The following RCAN2 variants were observed in gnomAD, a reference collection of about 807,000 sequenced individuals.
RCAN2 encodes calcipressin-2.
Under a neutral mutation model 23.6 loss-of-function variants are expected in RCAN2, and 9 were observed. That is an observed-to-expected ratio of 0.38 (90% CI 0.23 to 0.67). RCAN2 has a LOEUF of 0.67. Ranked by LOEUF, RCAN2 falls within the 30% of genes least tolerant of loss-of-function variation. RCAN2 has a pLI of 0.51. For missense variants in RCAN2, 273 were observed against 302.3 expected, an observed-to-expected ratio of 0.90 and a Z score of 0.72; for synonymous variants, 109 against 115.7, an observed-to-expected ratio of 0.94 and a Z score of 0.37.
At chr6:46,463,960 A>T (rs1462915534) in intron 1 of RCAN2, among the ~76,000 whole-genome samples, 1 of 152,212 alleles carries the variant, frequency 6.6e-6, no homozygotes, top group Non-Finnish European at 1.5e-5. Flanking sequence ...ATATGCCTTG[A>T]TTCCATGTTA....
rs1766603584 is a variant in RCAN2, at chr6:46,248,649, G to C, written c.399+74C>G. 3 of 1,187,374 alleles carry C rather than the reference G, an allele frequency of 2.5e-6. No homozygotes were observed. In the African/African-American group the frequency reaches 4.7e-5, roughly 18 times the overall value. 73.6% of individuals were successfully genotyped at this position (1,187,374 alleles called of 1,614,324 possible). On this transcript the variant is annotated intron_variant, in intron 3 of 4. Transcript: ENST00000371374. ...ACCAACCAATCTGAAAATAGAAAGGGCTTCATTTACATTTTAAAATGGTAA... is the reference window on the plus strand; with the variant it reads ...ACCAACCAATCTGAAAATAGAAAGGCCTTCATTTACATTTTAAAATGGTAA...
At chr6:46,414,573 G>C (rs908847005) in intron 2 of RCAN2, among the ~76,000 whole-genome samples, 8 of 152,174 alleles carry the variant, frequency 5.3e-5, no homozygotes, top group African/African-American at 1.9e-4. Flanking sequence ...TAGACTTTGA[G>C]TGAAGCATAT....
At chr6:46,289,191 T>A (rs1489533939) in intron 2 of RCAN2, among the ~76,000 whole-genome samples, 1 of 152,322 alleles carries the variant, frequency 6.6e-6, no homozygotes, top group Admixed American at 6.5e-5. Flanking sequence ...CTCTCCTACA[T>A]GGACCTTCAT....
intron 4 of RCAN2, among the ~76,000 whole-genome samples, chr6:46,242,153 A>T (rs1463239869): frequency 6.6e-6 from 1 of 152,184 alleles, no homozygotes; most frequent in African/African-American, 2.4e-5. Context: ...AGGCACCCAC[A>T]GGTTTGGGTC....
At chr6:46,454,561 G>A (rs1767967722) in intron 2 of RCAN2, among the ~76,000 whole-genome samples, 1 of 152,090 alleles carries the variant, frequency 6.6e-6, no homozygotes, top group African/African-American at 2.4e-5. Flanking sequence ...ATCTTGCTGA[G>A]GTAGGACACT....
chr6:46,282,194 T>C (rs939910366), intron 2 of RCAN2, among the ~76,000 whole-genome samples: 2 of 152,152 alleles, frequency 1.3e-5, no homozygotes, highest in African/African-American at 4.8e-5. Flanking sequence ...ACCACTCAAA[T>C]ATCCAACATA....
chr6:46,251,867 T>A lies in RCAN2; in HGVS notation c.226-2971A>T, dbSNP rs138589776. ...CCGTTGACGTGAAACTCTTTGATAT[T>A]CCTTGTTTTGGGCTTAGGCTGAAAA... On this transcript the variant is annotated intron_variant, in intron 2 of 4. Transcript: ENST00000371374. 2.0e-5 allele frequency among the ~76,000 whole-genome samples: 3 copies of A among 152,278 alleles called. No individual in the cohort carries two copies. The East Asian group carries it at 5.8e-4, about 29-fold the overall frequency.
At chr6:46,263,739 A>T (rs1302984089) in intron 2 of RCAN2, among the ~76,000 whole-genome samples, 1 of 151,708 alleles carries the variant, frequency 6.6e-6, no homozygotes, top group Non-Finnish European at 1.5e-5. Flanking sequence ...TTCTAAAAAA[A>T]AAAAAAGGTA....
At chr6:46,433,343 G>C (rs1208047140) in intron 2 of RCAN2, among the ~76,000 whole-genome samples, 1 of 152,072 alleles carries the variant, frequency 6.6e-6, no homozygotes, top group Non-Finnish European at 1.5e-5. Flanking sequence ...ACTCCTACCC[G>C]AGTCCCACCA....
At chr6:46,452,581 A>T (rs1767912111) in intron 2 of RCAN2, among the ~76,000 whole-genome samples, 1 of 152,114 alleles carries the variant, frequency 6.6e-6, no homozygotes, top group Non-Finnish European at 1.5e-5. Flanking sequence ...GAAATCACAC[A>T]AGTCATTTCT....
intron 2 of RCAN2, among the ~76,000 whole-genome samples, chr6:46,268,675 A>G (rs1767423650): frequency 6.6e-6 from 1 of 152,220 alleles, no homozygotes; most frequent in African/African-American, 2.4e-5. Flanking sequence ...CAGGTTAAGA[A>G]TCACTTCAAT....
At chr6:46,410,369 G>A (rs1394304269) in intron 2 of RCAN2, among the ~76,000 whole-genome samples, 3 of 152,178 alleles carry the variant, frequency 2.0e-5, no homozygotes, top group East Asian at 1.9e-4. Context: ...TACTGGTTCC[G>A]ACTTTCTGGA....
intron 2 of RCAN2, chr6:46,325,252 C>T: frequency 1.3e-6 from 1 of 787,292 alleles, no homozygotes; most frequent in South Asian, 1.9e-5. Context: ...CTTAATGCAG[C>T]CATGCACTCA....
At chr6:46,386,610 C>CAAAAAAAAAAAAAAAA (rs142110760) in intron 2 of RCAN2, among the ~76,000 whole-genome samples, 1 of 91,704 alleles carries the variant, frequency 1.1e-5, no homozygotes. Context: ...CTCTGTCTCA[C>CAAAAAAAAAAAAAAAA]AAAAAAAAAA....
chr6:46,247,034 G>T (rs1481091985), intron 3 of RCAN2, 115 bp from the exon 4 acceptor site: 4 of 811,758 alleles, frequency 4.9e-6, no homozygotes, highest in Non-Finnish European at 7.6e-6. Context: ...CGATGAACCC[G>T]ACCGTAATAA....
chr6:46,456,778 A>C lies in RCAN2; in HGVS notation c.199T>G (p.Ser67Ala). Reference protein sequence around the residue: ...NSLFACNVHQSVFEGEESKEK... With the variant: ...NSLFACNVHQAVFEGEESKEK... ...TTGCTCTCTTCTCCTTCAAACACTG[A>C]CTGGTGAACATTGCACGCAAACAAC... Residue 67 changes from serine (S) to alanine (A), a missense_variant, in exon 2 of 5, where the codon TCA becomes GCA. Coordinates refer to ENST00000371374, the MANE Select transcript of RCAN2 (RefSeq NM_001251974.2). The C allele has an allele frequency of 6.4e-7, 1 of 1,550,914 alleles. No homozygotes were observed. Among genetic ancestry groups the C allele is most frequent in the Non-Finnish European group, 8.7e-7 (1 of 1,147,010 alleles).
intron 2 of RCAN2, among the ~76,000 whole-genome samples, chr6:46,354,897 ATGTGTGTGTGTGTGTGTG>A (rs6149559): frequency 1.4e-3 from 207 of 144,488 alleles, no homozygotes; most frequent in South Asian, 2.8e-3. Context: ...AAGATTATAT[ATGTGTGTGTGTGTGTGTG>A]TGTGTGTGTG....
chr6:46,244,195 A>G (rs1766428536), intron 4 of RCAN2, among the ~76,000 whole-genome samples: 1 of 152,246 alleles, frequency 6.6e-6, no homozygotes, highest in Non-Finnish European at 1.5e-5. Context: ...CTGTAACATT[A>G]AGGTAAAAGG....
At chr6:46,368,921 C>T (rs1451559516) in intron 2 of RCAN2, among the ~76,000 whole-genome samples, 2 of 152,142 alleles carry the variant, frequency 1.3e-5, no homozygotes, top group Non-Finnish European at 2.9e-5. Flanking sequence ...CTTACTGTAA[C>T]TTTTTAATGT....
Sources: gnomAD v4.1 joint callset for allele counts (sites outside exome capture counted in the v4.1 genomes callset) on GRCh38, gnomAD v4.1.1 for gene constraint, MANE v1.5 for transcripts, NCBI Gene and HGNC (gene_info 2026-07-23, HGNC 2026-07-21) for gene names.